ZFYVE9: variants seen among roughly 807,000 people sequenced by gnomAD.
The protein encoded by ZFYVE9 is zinc finger FYVE-type containing 9.
ZFYVE9 carries 43 observed loss-of-function variants against 126.7 expected under a neutral mutation model. The ratio of observed to expected loss-of-function variants is 0.34; its 90% CI spans 0.27 to 0.44. The LOEUF is 0.44. ZFYVE9 is among the 20% of genes least tolerant of loss of function. ZFYVE9 has a pLI of 1.00. For synonymous variants in ZFYVE9, 521 were observed against 597.4 expected (o/e 0.87, Z 1.87); for missense variants, 1,476 against 1,697.0 (o/e 0.87, Z 2.29).
intron 1 of ZFYVE9, among the ~76,000 whole-genome samples, chr1:52,214,209 T>C (rs1645052131): frequency 6.6e-6 from 1 of 152,122 alleles, no homozygotes; most frequent in Admixed American, 6.5e-5. Flanking sequence ...GGCAGATCTC[T>C]TGAGGTCAGT....
In ZFYVE9 at chr1:52,238,329, A is replaced by G; in HGVS notation, c.912A>G (p.Leu304=). The change falls in exon 4 of 19, where the codon CTA becomes CTG. Residue 304 remains leucine, a synonymous_variant. Coordinates refer to ENST00000287727, the MANE Select transcript of ZFYVE9 (RefSeq NM_004799.4). ...AAATCAGCTCTCCTAGGACAGATCT[A>G]GGGAGTCCAAATTCCTTTTCCCACA... ...TGKISSPRTD[L]GSPNSFSHMS... is the part of the protein sequence containing the mutation. 2 of 1,613,712 alleles carry G rather than the reference A, an allele frequency of 1.2e-6. No homozygotes were observed. The highest frequency in any genetic ancestry group is 1.7e-6 in the Non-Finnish European group (2 of 1,179,938).
chr1:52,246,177 G>T (rs1431214965), intron 4 of ZFYVE9, among the ~76,000 whole-genome samples: 1 of 152,152 alleles, frequency 6.6e-6, no homozygotes, highest in Admixed American at 6.5e-5. Context: ...TGATACATCA[G>T]CCTTGGCCTC....
At chr1:52,200,032 T>TA (rs1185348105) in intron 1 of ZFYVE9, among the ~76,000 whole-genome samples, 1 of 151,618 alleles carries the variant, frequency 6.6e-6, no homozygotes, top group Non-Finnish European at 1.5e-5. Context: ...TCCAGTTTTT[T>TA]TTTTTTTATT....
chr1:52,253,933 C>A, intron 4 of ZFYVE9: 1 of 954,478 alleles, frequency 1.0e-6, no homozygotes. Flanking sequence ...TTTTCACAAC[C>A]TTCAAGAAAT....
rs1210072723 is a variant in ZFYVE9, at chr1:52,266,345, C to T, written c.2279-310C>T. On this transcript the variant is annotated intron_variant, in intron 5 of 18. Transcript: ENST00000287727. ...ATTTCCTGACCTCGTGATCCACCCG[C>T]CTCGGCCTCCCAAAGTGCCGGGATT... 1.0e-4 allele frequency among the ~76,000 whole-genome samples: 15 copies of T among 149,552 alleles called. No homozygotes were observed. The Admixed American group carries it at 1.0e-3, about 10-fold the overall frequency.
chr1:52,317,439 G>A (rs369689992), intron 13 of ZFYVE9, among the ~76,000 whole-genome samples: 5 of 150,880 alleles, frequency 3.3e-5, no homozygotes, highest in Admixed American at 6.6e-5. Flanking sequence ...TCGAGATCAC[G>A]CCATTGCACT....
intron 1 of ZFYVE9, among the ~76,000 whole-genome samples, chr1:52,181,477 G>A (rs1644702647): frequency 1.3e-5 from 2 of 152,236 alleles, no homozygotes; most frequent in African/African-American, 4.8e-5. Context: ...CCAAAGTGCC[G>A]AGATTGCAGC....
At chr1:52,219,256 G>C (rs911669520) in intron 2 of ZFYVE9, among the ~76,000 whole-genome samples, 1 of 152,130 alleles carries the variant, frequency 6.6e-6, no homozygotes, top group Non-Finnish European at 1.5e-5. Context: ...ATGTAATTGT[G>C]GGGAGGGTGA....
intron 2 of ZFYVE9, among the ~76,000 whole-genome samples, chr1:52,230,557 G>A (rs968496575): frequency 2.0e-5 from 3 of 151,652 alleles, no homozygotes; most frequent in Admixed American, 6.6e-5. Context: ...AGTTGGAAAA[G>A]GGCAGGCTTC....
At position 52,268,481 on chromosome 1, in the gene ZFYVE9, A is replaced by C; in HGVS notation, c.2474A>C (p.Gln825Pro). 6.2e-7 allele frequency: 1 copy of C among 1,614,128 alleles called. No homozygotes were observed. The highest frequency in any genetic ancestry group is 2.2e-5 in the East Asian group (1 of 44,866). Residue 825 changes from glutamine (Q) to proline (P), a missense_variant, in exon 7 of 19, where the codon CAG (glutamine) becomes CCG (proline). Physicochemically the swap from Gln to Pro is moderately conservative, Grantham distance 76. Coordinates refer to ENST00000287727, the MANE Select transcript of ZFYVE9 (RefSeq NM_004799.4). ...PGAEVAQPRE[Q>P]RRVWFADGIL... Reference sequence around the variant, plus strand: ...CCTCAAGTGGCTCAGCCCAGAGAGCAGAGGCGAGTTTGGTTTGCTGATGGG... The same window carrying C: ...CCTCAAGTGGCTCAGCCCAGAGAGCCGAGGCGAGTTTGGTTTGCTGATGGG...
At chr1:52,298,707 A>G (rs1162497352) in intron 12 of ZFYVE9, among the ~76,000 whole-genome samples, 1 of 151,110 alleles carries the variant, frequency 6.6e-6, no homozygotes, top group East Asian at 1.9e-4. Context: ...ATTTTGATAG[A>G]GATTGCATTA....
chr1:52,182,112 G>A (rs540207414), intron 1 of ZFYVE9, among the ~76,000 whole-genome samples: 15 of 151,142 alleles, frequency 9.9e-5, no homozygotes, highest in South Asian at 8.4e-4. Flanking sequence ...TCAGCCCCCC[G>A]TCCAGGAGAG....
At chr1:52,234,250 A>G (rs1645252070) in intron 3 of ZFYVE9, among the ~76,000 whole-genome samples, 1 of 152,178 alleles carries the variant, frequency 6.6e-6, no homozygotes, top group Non-Finnish European at 1.5e-5. Flanking sequence ...TTTCCATCCA[A>G]AGTCCATGAT....
chr1:52,319,810 C>G (rs150621404), intron 13 of ZFYVE9, among the ~76,000 whole-genome samples: 1,895 of 149,948 alleles, frequency 0.013, 31 homozygotes, highest in African/African-American at 0.044. Context: ...GTCAGGAGAT[C>G]GAGACCATCC....
At chr1:52,148,096 A>G (rs1389425721) in intron 1 of ZFYVE9, among the ~76,000 whole-genome samples, 1 of 151,596 alleles carries the variant, frequency 6.6e-6, no homozygotes, top group Non-Finnish European at 1.5e-5. Flanking sequence ...ACTTTTATTT[A>G]CAGTCATTAG....
chr1:52,280,922 C>T (rs1020473544), intron 9 of ZFYVE9, among the ~76,000 whole-genome samples: 7 of 152,060 alleles, frequency 4.6e-5, no homozygotes, highest in Non-Finnish European at 1.0e-4. Flanking sequence ...TCTAGCCTTA[C>T]ATTGGTAATT....
intron 1 of ZFYVE9, among the ~76,000 whole-genome samples, chr1:52,177,009 C>T (rs1268332617): frequency 6.6e-6 from 1 of 152,160 alleles, no homozygotes; most frequent in African/African-American, 2.4e-5. Flanking sequence ...CTGTCCTGTG[C>T]CCACTCTCTG....
intron 1 of ZFYVE9, among the ~76,000 whole-genome samples, chr1:52,183,479 T>C (rs908699104): frequency 1.3e-5 from 2 of 152,238 alleles, no homozygotes; most frequent in African/African-American, 4.8e-5. Flanking sequence ...TTTTGAGTTA[T>C]TAATTTTATT....
chr1:52,280,072 T>C (rs1353522015), intron 9 of ZFYVE9, among the ~76,000 whole-genome samples: 5 of 152,102 alleles, frequency 3.3e-5, no homozygotes, highest in Non-Finnish European at 7.4e-5. Context: ...TTATAAATTA[T>C]GCTTAGAAAT....
Sources: gnomAD v4.1 joint callset for allele counts (sites outside exome capture counted in the v4.1 genomes callset) on GRCh38, gnomAD v4.1.1 for gene constraint, MANE v1.5 for transcripts, NCBI Gene and HGNC (gene_info 2026-07-23, HGNC 2026-07-21) for gene names.